The following PDE1A variants were observed in gnomAD, a reference collection of about 807,000 sequenced individuals.
PDE1A encodes the protein dual specificity calcium/calmodulin-dependent 3',5'-cyclic nucleotide phosphodiesterase 1A.
In PDE1A, 35 loss-of-function variants were observed where a neutral mutation model predicts 61.7. The ratio of observed to expected loss-of-function variants is 0.57; its 90% CI spans 0.43 to 0.75. PDE1A has a LOEUF of 0.75. Among genes scored for constraint, PDE1A ranks in the 30% least tolerant of loss-of-function variants. The probability of loss-of-function intolerance (pLI) is 0.00; values close to 1 mark genes in which losing one functional copy is unlikely to be tolerated. For synonymous variants in PDE1A, 232 were observed against 213.2 expected (o/e 1.09, Z -0.77); for missense variants, 597 against 630.6 (o/e 0.95, Z 0.57).
At chr2:182,233,862 A>C (rs1178337304) in intron 4 of PDE1A, among the ~76,000 whole-genome samples, 1 of 151,860 alleles carries the variant, frequency 6.6e-6, no homozygotes, top group African/African-American at 2.4e-5. Flanking sequence ...TCAGAGTTTC[A>C]ACTCTGATTA....
At chr2:182,637,526 C>T in the PDE1A span, among the ~76,000 whole-genome samples, 4 of 152,086 alleles carry the variant, frequency 2.6e-5, no homozygotes, top group Admixed American at 6.6e-5. Flanking sequence ...AAGAAAAGAG[C>T]TCATATCAGT....
intron 2 of PDE1A, among the ~76,000 whole-genome samples, chr2:182,502,599 G>A (rs1410501341): frequency 6.6e-6 from 1 of 152,064 alleles, no homozygotes; most frequent in Non-Finnish European, 1.5e-5. Context: ...AGCATCTAAT[G>A]GGCATCCCAA....
At chr2:182,513,144 G>A (rs1168094643) in intron 2 of PDE1A, among the ~76,000 whole-genome samples, 2 of 152,004 alleles carry the variant, frequency 1.3e-5, no homozygotes, top group Non-Finnish European at 2.9e-5. Context: ...AAGACACATG[G>A]GCATCAGATT....
At chr2:182,664,213 C>T in the PDE1A span, among the ~76,000 whole-genome samples, 1 of 152,156 alleles carries the variant, frequency 6.6e-6, no homozygotes, top group South Asian at 2.1e-4. Context: ...CTTTGGAGAA[C>T]AATTTGAGAA....
chr2:182,348,105 A>G (rs1448462806), intron 1 of PDE1A, among the ~76,000 whole-genome samples: 2 of 152,162 alleles, frequency 1.3e-5, no homozygotes, highest in Non-Finnish European at 2.9e-5. Context: ...CATTTTTGTC[A>G]TTTATTTGGG....
chr2:182,401,530 TAA>T (rs1275538146), intron 1 of PDE1A, among the ~76,000 whole-genome samples: 1 of 152,042 alleles, frequency 6.6e-6, no homozygotes, highest in Non-Finnish European at 1.5e-5. Flanking sequence ...CTCAAAACAT[TAA>T]GAGCTATTTA....
At chr2:182,662,597 C>T in the PDE1A span, among the ~76,000 whole-genome samples, 1 of 152,096 alleles carries the variant, frequency 6.6e-6, no homozygotes, top group African/African-American at 2.4e-5. Flanking sequence ...GAAAGGACTC[C>T]CTATTCGATA....
chr2:182,499,245 C>T (rs1166128495), intron 2 of PDE1A, among the ~76,000 whole-genome samples: 1 of 144,656 alleles, frequency 6.9e-6, no homozygotes, highest in East Asian at 2.1e-4. Flanking sequence ...GGCGCGATCT[C>T]GGCTCACTGC....
At chr2:182,248,306 G>C (rs976736176) in intron 2 of PDE1A, among the ~76,000 whole-genome samples, 1 of 149,654 alleles carries the variant, frequency 6.7e-6, no homozygotes, top group Non-Finnish European at 1.5e-5. Flanking sequence ...TACAGAAAAA[G>C]AAACGATAAG....
intron 1 of PDE1A, among the ~76,000 whole-genome samples, chr2:182,310,293 T>C (rs1320812440): frequency 6.6e-6 from 1 of 152,180 alleles, no homozygotes; most frequent in Non-Finnish European, 1.5e-5. Context: ...TAATAACTTA[T>C]TAATATCTTC....
intron 2 of PDE1A, among the ~76,000 whole-genome samples, chr2:182,459,561 T>C (rs1464405339): frequency 6.6e-6 from 1 of 152,158 alleles, no homozygotes; most frequent in African/African-American, 2.4e-5. Context: ...AATCCACAAA[T>C]GATCTCTAAC....
intron 1 of PDE1A, among the ~76,000 whole-genome samples, chr2:182,392,835 G>A (rs753849807): frequency 6.6e-6 from 1 of 152,264 alleles, no homozygotes; most frequent in Non-Finnish European, 1.5e-5. Context: ...TCCAGCTCAC[G>A]CTGATGCAAG....
At chr2:182,696,269 T>C in the PDE1A span, among the ~76,000 whole-genome samples, 11 of 152,368 alleles carry the variant, frequency 7.2e-5, no homozygotes, top group East Asian at 1.5e-3. Context: ...GACAACGGGA[T>C]ATTATTTACT....
At chr2:182,200,877 T>C (rs1238295020) in intron 10 of PDE1A, among the ~76,000 whole-genome samples, 1 of 152,136 alleles carries the variant, frequency 6.6e-6, no homozygotes, top group African/African-American at 2.4e-5. Context: ...CAGCTTGGAT[T>C]GTGGGGGTTG....
At chr2:182,305,159 A>G (rs1036947391) in intron 1 of PDE1A, among the ~76,000 whole-genome samples, 39 of 144,326 alleles carry the variant, frequency 2.7e-4, no homozygotes, top group African/African-American at 1.0e-3. Context: ...CCAATCTTCT[A>G]TTAATGTTTG....
chr2:182,328,571 A>G (rs1209410620), intron 1 of PDE1A, among the ~76,000 whole-genome samples: 1 of 152,142 alleles, frequency 6.6e-6, no homozygotes, highest in African/African-American at 2.4e-5. Flanking sequence ...TACGAGAGGG[A>G]GGGAACTTGA....
chr2:182,396,984 G>A (rs917397522), intron 1 of PDE1A, among the ~76,000 whole-genome samples: 1 of 152,064 alleles, frequency 6.6e-6, no homozygotes, highest in African/African-American at 2.4e-5. Context: ...TTATCTACCT[G>A]TGGGTATTTC....
intron 2 of PDE1A, among the ~76,000 whole-genome samples, chr2:182,434,147 A>G (rs1243097598): frequency 2.0e-5 from 3 of 152,096 alleles, no homozygotes; most frequent in Non-Finnish European, 4.4e-5. Context: ...TACCCTGACT[A>G]CTATAAAAAT....
chr2:182,222,808 T>G (rs1378622781), intron 7 of PDE1A, among the ~76,000 whole-genome samples: 1 of 152,002 alleles, frequency 6.6e-6, no homozygotes, highest in African/African-American at 2.4e-5. Context: ...AGACATCAGC[T>G]CTTAACATAT....
Sources: allele counts gnomAD v4.1 joint callset (sites outside exome capture counted in the v4.1 genomes callset), GRCh38; gene constraint gnomAD v4.1.1; transcripts MANE v1.5; gene names NCBI Gene and HGNC (gene_info 2026-07-23, HGNC 2026-07-21).